The following PPP1R13L variants were observed in gnomAD, a reference collection of about 807,000 sequenced individuals.
The protein encoded by PPP1R13L is protein phosphatase 1 regulatory subunit 13 like.
A neutral mutation model predicts 80.9 loss-of-function variants in PPP1R13L; 50 were observed. That is an observed-to-expected ratio of 0.62 (90% CI 0.49 to 0.78). The LOEUF (loss-of-function observed/expected upper bound fraction) is 0.78, where lower values mean the gene tolerates loss of function less well. PPP1R13L is among the 30% of genes least tolerant of loss of function. The probability of loss-of-function intolerance (pLI) is 0.00; values close to 1 mark genes in which losing one functional copy is unlikely to be tolerated. For missense variants in PPP1R13L, 1,200 were observed against 1,205.9 expected (o/e 1.00, Z 0.07); for synonymous variants, 602 against 534.3 (o/e 1.13, Z -1.75).
chr19:45,395,736 T>G lies in PPP1R13L; in HGVS notation c.1054A>C (p.Ile352Leu). The G allele has an allele frequency of 6.6e-7, 1 of 1,507,962 alleles. No homozygotes were observed. Among genetic ancestry groups the G allele is most frequent in the Non-Finnish European group, 8.8e-7 (1 of 1,133,668 alleles). The allele number at this position is 1,507,962 out of a possible 1,614,324, so 93.4% of individuals were successfully genotyped here. A position where few individuals can be genotyped will look rare whatever the true frequency, so the allele number is the denominator to read the frequency against. ...LPRSWQPVSR[I>L]PMPPSSPQPR... ...TGGGGGCTGGAGGGGGGCATGGGGATGCGGCTGACGGGCTGCCAGCTGCGA... is the reference window on the plus strand; with the variant it reads ...TGGGGGCTGGAGGGGGGCATGGGGAGGCGGCTGACGGGCTGCCAGCTGCGA... Residue 352 changes from isoleucine (I) to leucine (L), a missense_variant, in exon 7 of 13, where the codon ATC becomes CTC. Ile to Leu is a conservative substitution (Grantham distance 5, BLOSUM62 2). This residue lies in a region of PPP1R13L where 764 missense variants were observed against 714.5 expected (regional missense o/e 1.07). Coordinates refer to ENST00000360957, the MANE Select transcript of PPP1R13L (RefSeq NM_006663.4).
At chr19:45,395,372 T>G (rs571238186) in intron 7 of PPP1R13L, 64 bp downstream of exon 7, 2 of 1,558,532 alleles carry the variant, frequency 1.3e-6, no homozygotes, top group Admixed American at 1.8e-5. Flanking sequence ...CCAGGGCTGG[T>G]CTGGTCCCCC....
chr19:45,406,246 A>G, upstream of PPP1R13L: 4 of 971,950 alleles, frequency 4.1e-6, no homozygotes, highest in Non-Finnish European at 4.9e-6. This position sits in a 1 kb window ranked among gnomAD's most constrained non-coding sequence, Gnocchi z 4.2. Context: ...CCTCCCCAGA[A>G]GACATTTAAC....
rs1257119796 is a variant in PPP1R13L at position 45,382,601 on chromosome 19, C to G, written c.2374G>C (p.Gly792Arg). ...GESVTVLRRD[G>R]PEETDWWWAA... is the part of the protein sequence containing the mutation. ...CACCACCAGTCGGTCTCCTCCGGCC[C>G]GTCCCTCCGCAGCACGGTGACCGAC... Residue 792 changes from glycine (G) to arginine (R), a missense_variant, in exon 12 of 13, where the codon GGG (glycine) becomes CGG (arginine). Around this residue, in one of 5 missense-constraint regions of PPP1R13L, gnomAD observed 165 missense variants for 177.1 expected, o/e 0.93. Transcript: ENST00000360957. 1.2e-6 allele frequency: 2 copies of G among 1,613,640 alleles called. No individual in the cohort carries two copies. Among genetic ancestry groups the G allele is most frequent in the Non-Finnish European group, 1.7e-6 (2 of 1,179,988 alleles).
intron 8 of PPP1R13L, among the ~76,000 whole-genome samples, chr19:45,388,717 T>G (rs1216819776): frequency 6.6e-6 from 1 of 152,116 alleles, no homozygotes; most frequent in African/African-American, 2.4e-5. Context: ...TATAATTATT[T>G]TTTTTAAGAG....
Position 45,380,234 on chromosome 19 carries a change from G to A in PPP1R13L, c.2449-6C>T. On this transcript the variant is annotated splice_polypyrimidine_tract_variant and splice_region_variant and intron_variant, in intron 12 of 12. Transcript: ENST00000360957. ...GGCTTCACCCTGGGGAACAGCTGGG[G>A]AGAGACAGGATCTTCAGACATCAGG... is the stretch of plus-strand genomic sequence containing the variant. 8 of 1,614,004 alleles carry A rather than the reference G, an allele frequency of 5.0e-6. No individual in the cohort carries two copies. Among genetic ancestry groups the A allele is most frequent in the Non-Finnish European group, 6.8e-6 (8 of 1,179,984 alleles).
chr19:45,403,829 C>T (rs1973275261), intron 1 of PPP1R13L, among the ~76,000 whole-genome samples: 1 of 152,130 alleles, frequency 6.6e-6, no homozygotes, highest in Admixed American at 6.6e-5. Flanking sequence ...TTTTAATCCC[C>T]CTTCTTAGGA....
chr19:45,400,404 C>T (rs1021542394), intron 1 of PPP1R13L, among the ~76,000 whole-genome samples: 2 of 151,840 alleles, frequency 1.3e-5, no homozygotes, highest in East Asian at 3.9e-4. Flanking sequence ...CTGCATCGAC[C>T]ACTTAGCTCT....
At chr19:45,386,288 G>T in intron 8 of PPP1R13L, 108 bp from the exon 9 acceptor site, 2 of 1,330,438 alleles carry the variant, frequency 1.5e-6, no homozygotes, top group South Asian at 3.5e-5. Flanking sequence ...TCTAGACAGG[G>T]GTAGAACTGG....
At chr19:45,381,172 A>C (rs1018397986) in intron 12 of PPP1R13L, among the ~76,000 whole-genome samples, 7 of 151,452 alleles carry the variant, frequency 4.6e-5, no homozygotes, top group African/African-American at 7.3e-5. Flanking sequence ...CTCCTGTGTC[A>C]GCCTCCTGAT....
chr19:45,381,916 G>T lies in PPP1R13L; in HGVS notation c.2448+611C>A, dbSNP rs148573266. Among the ~76,000 whole-genome samples the T allele has an allele frequency of 1.3e-4, 19 of 151,838 alleles. No homozygotes were observed. In the East Asian group the frequency reaches 3.7e-3, roughly 29 times the overall value. ...CATCTTATCACTGCACTCCAGTCTG[G>T]GTGACAAAGCAAGACTCCATCTCAA... is the stretch of plus-strand genomic sequence containing the variant. On this transcript the variant is annotated intron_variant, in intron 12 of 12. Coordinates refer to ENST00000360957, the MANE Select transcript of PPP1R13L (RefSeq NM_006663.4).
In PPP1R13L at chr19:45,382,592, C is replaced by T. The variant is rs775171753; in HGVS notation, c.2383G>A (p.Glu795Lys). The T allele has an allele frequency of 6.2e-7, 1 of 1,613,600 alleles. No homozygotes were observed. Among genetic ancestry groups the T allele is most frequent in the Non-Finnish European group, 8.5e-7 (1 of 1,179,970 alleles). The change falls in exon 12 of 13, where the codon GAG becomes AAG. Residue 795 changes from glutamate (E) to lysine (K), a missense_variant. Transcript: ENST00000360957. ...VTVLRRDGPE[E>K]TDWWWAALHG... is the part of the protein sequence containing the mutation. ...AGCGCGGCCCACCACCAGTCGGTCT[C>T]CTCCGGCCCGTCCCTCCGCAGCACG...
intron 8 of PPP1R13L, among the ~76,000 whole-genome samples, chr19:45,388,946 G>A (rs1273299959): frequency 2.6e-5 from 4 of 151,742 alleles, no homozygotes; most frequent in East Asian, 2.0e-4. Context: ...CCATGTTGGC[G>A]AGGCTAGTCT....
At position 45,385,807 on chromosome 19, in the gene PPP1R13L, C is replaced by A. The variant is rs370136318; in HGVS notation, c.2081+17G>T. 3.7e-6 allele frequency: 6 copies of A among 1,609,114 alleles called. No individual in the cohort carries two copies. Among genetic ancestry groups the A allele is most frequent in the Non-Finnish European group, 5.1e-6 (6 of 1,178,354 alleles). On this transcript the variant is annotated intron_variant, in intron 10 of 12. Coordinates refer to ENST00000360957, the MANE Select transcript of PPP1R13L (RefSeq NM_006663.4). ...CGCCCACGGGGGACCCAGCCCACCG[C>A]GCGGGTCGGGGCTCACCAGCCGTGG... is the stretch of plus-strand genomic sequence containing the variant.
Position 45,395,790 on chromosome 19 carries a change from C to T in PPP1R13L, c.1000G>A (p.Gly334Ser), listed in dbSNP as rs761240806. The change falls in exon 7 of 13, where the codon GGC becomes AGC. Residue 334 changes from glycine to serine, a missense_variant. Coordinates refer to ENST00000360957, the MANE Select transcript of PPP1R13L (RefSeq NM_006663.4). ...SDAGSYRRSL[G>S]SAGPSGTLPR... ...AAAGTGCCCGACGGCCCCGCGGAGC[C>T]CAGCGAGCGCCGGTAGCTGCCCGCG... 1 of 1,574,278 alleles carries T rather than the reference C, an allele frequency of 6.4e-7. No homozygotes were observed. Among genetic ancestry groups the T allele is most frequent in the Admixed American group, 1.8e-5 (1 of 54,314 alleles).
chr19:45,404,756 C>A (rs1026490179), intron 1 of PPP1R13L, among the ~76,000 whole-genome samples: 2 of 152,182 alleles, frequency 1.3e-5, no homozygotes, highest in Non-Finnish European at 2.9e-5. Context: ...CTCAGGAATT[C>A]CAGCTCCAAC....
intron 1 of PPP1R13L, among the ~76,000 whole-genome samples, chr19:45,400,523 AGT>A (rs1432590257): frequency 6.6e-6 from 1 of 151,416 alleles, no homozygotes; most frequent in Non-Finnish European, 1.5e-5. Context: ...ATGAACAGGG[AGT>A]GTGTGACCTT....
chr19:45,387,849 C>T (rs960508772), intron 8 of PPP1R13L, among the ~76,000 whole-genome samples: 7 of 152,144 alleles, frequency 4.6e-5, no homozygotes, highest in African/African-American at 1.4e-4. Context: ...TCATGCCTGA[C>T]CTAGAATTTC....
intron 11 of PPP1R13L, 24 bp downstream of exon 11, chr19:45,385,538 G>A: frequency 6.3e-7 from 1 of 1,594,038 alleles, no homozygotes; most frequent in Non-Finnish European, 8.6e-7. Context: ...CAGGTACCCA[G>A]GCGCCAGCAG....
chr19:45,395,861 G>A lies in PPP1R13L; in HGVS notation c.929C>T (p.Pro310Leu), dbSNP rs764634643. ...GKDNLTSATL[P>L]RNYKVSPLAS... ...CAGAGGAGAGACCTTGTAATTGCGC[G>A]GCAGGGTGGCGCTAGTGAGGTTGTC... The change falls in exon 7 of 13, where the codon CCG becomes CTG. Residue 310 changes from proline to leucine, a missense_variant. Pro to Leu is a moderately conservative substitution (Grantham distance 98). This residue lies in a region of PPP1R13L where 764 missense variants were observed against 714.5 expected (regional missense o/e 1.07). Coordinates refer to ENST00000360957, the MANE Select transcript of PPP1R13L (RefSeq NM_006663.4). 6.3e-7 allele frequency: 1 copy of A among 1,595,504 alleles called. No individual in the cohort carries two copies. The highest frequency in any genetic ancestry group is 8.5e-7 in the Non-Finnish European group (1 of 1,172,430).
Sources: allele counts gnomAD v4.1 joint callset (sites outside exome capture counted in the v4.1 genomes callset), GRCh38; gene constraint gnomAD v4.1.1; regional missense constraint gnomAD v4.1.1; non-coding constraint Gnocchi (gnomAD v3.1); transcripts MANE v1.5; gene names NCBI Gene and HGNC (gene_info 2026-07-23, HGNC 2026-07-21).